IARS1: variants seen among roughly 807,000 people sequenced by gnomAD.
IARS1 encodes the protein isoleucine--tRNA ligase, cytoplasmic.
IARS1 carries 124 observed loss-of-function variants against 168.2 expected under a neutral mutation model. The observed-to-expected ratio is 0.74, with a 90% CI of 0.64 to 0.86. The LOEUF (loss-of-function observed/expected upper bound fraction) is 0.86, where lower values mean the gene tolerates loss of function less well. Among genes scored for constraint, IARS1 ranks in the 40% least tolerant of loss-of-function variants. IARS1 has a pLI of 0.00. For missense variants in IARS1, 1,452 were observed against 1,515.8 expected (o/e 0.96, Z 0.70); for synonymous variants, 532 against 529.4 (o/e 1.00, Z -0.07).
At chr9:92,231,046 T>G (rs538578043) in intron 30 of IARS1, among the ~76,000 whole-genome samples, 1 of 152,364 alleles carries the variant, frequency 6.6e-6, no homozygotes, top group East Asian at 1.9e-4. Flanking sequence ...TTGTCTTTCA[T>G]CCTTTTATAG....
In IARS1 at chr9:92,223,496, A is replaced by G. The variant is rs1376270219; in HGVS notation, c.3410-7T>C. The G allele has an allele frequency of 1.2e-6, 2 of 1,606,780 alleles. No homozygotes were observed. The highest frequency in any genetic ancestry group is 2.7e-5 in the African/African-American group (2 of 74,718). ...TCAGTTTGGTTTTGTATTTCTAAAA[A>G]TAACAACAACAATTCTTTCAGGGTT... On this transcript the variant is annotated splice_region_variant and splice_polypyrimidine_tract_variant and intron_variant, in intron 31 of 33. Coordinates refer to ENST00000443024, the MANE Select transcript of IARS1 (RefSeq NM_002161.6).
intron 31 of IARS1, among the ~76,000 whole-genome samples, chr9:92,223,898 G>A (rs187746213): frequency 1.4e-3 from 209 of 152,334 alleles, no homozygotes; most frequent in African/African-American, 4.6e-3. Context: ...ATGATACACA[G>A]AACATATGCA....
intron 16 of IARS1, 146 bp downstream of exon 16, chr9:92,264,783 G>A (rs915774010): frequency 4.5e-6 from 3 of 664,936 alleles, no homozygotes; most frequent in Admixed American, 6.3e-5. Context: ...GTGCTTGGTG[G>A]TGGAGGGGAG....
At position 92,279,934 on chromosome 9, in the gene IARS1, C is replaced by A. The variant is rs1834298077; in HGVS notation, c.745+812G>T. Among the ~76,000 whole-genome samples the A allele has an allele frequency of 3.9e-5, 6 of 152,256 alleles. No homozygotes were observed. In the South Asian group the frequency reaches 1.2e-3, roughly 32 times the overall value. ...TGGCTCATTTTAATTAGCATAATGT[C>A]CTCCAGGTTCATTCAAGGCATAGCC... On this transcript the variant is annotated intron_variant, in intron 7 of 33. Transcript: ENST00000443024.
intron 32 of IARS1, 90 bp from the exon 33 acceptor site, chr9:92,222,762 A>T (rs1165378114): frequency 1.5e-6 from 2 of 1,362,650 alleles, no homozygotes; most frequent in African/African-American, 2.9e-5. Flanking sequence ...TCTAACAGGC[A>T]GTGCTGAGGC....
rs772810159 is a variant in IARS1 at position 92,264,882 on chromosome 9, T to C, written c.1700+47A>G. 1.1e-5 allele frequency: 16 copies of C among 1,516,116 alleles called. No individual in the cohort carries two copies. In the South Asian group the frequency reaches 1.6e-4, roughly 15 times the overall value. The allele number at this position is 1,516,116 out of a possible 1,614,324, so 93.9% of individuals were successfully genotyped here. The stretch of plus-strand genomic sequence containing the variant: ...GTGACTTAGTAAAATACTCCCTAAA[T>C]AAAATAAAATCAATAAAACACGTGA... On this transcript the variant is annotated intron_variant, in intron 16 of 33. Coordinates refer to ENST00000443024, the MANE Select transcript of IARS1 (RefSeq NM_002161.6).
chr9:92,257,647 T>C (rs561812385), intron 19 of IARS1, among the ~76,000 whole-genome samples: 3 of 152,300 alleles, frequency 2.0e-5, no homozygotes, highest in African/African-American at 4.8e-5. Flanking sequence ...GTGAACATGA[T>C]GTGTCCTCAT....
chr9:92,240,689 C>T (rs1332016243), intron 30 of IARS1, 167 bp downstream of exon 30: 8 of 718,156 alleles, frequency 1.1e-5, no homozygotes, highest in Admixed American at 4.0e-5. Context: ...CACTGCATCT[C>T]GCCTAGTGAA....
At chr9:92,262,905 G>T in intron 17 of IARS1, 64 bp downstream of exon 17, 2 of 1,161,736 alleles carry the variant, frequency 1.7e-6, no homozygotes, top group South Asian at 2.5e-5. Context: ...CCGCTCTCAC[G>T]CACTCCTTCT....
intron 6 of IARS1, among the ~76,000 whole-genome samples, chr9:92,284,143 C>A (rs934447779): frequency 6.6e-6 from 1 of 152,222 alleles, no homozygotes. Context: ...TGCCACTGCA[C>A]TCTAGCCTGG....
intron 16 of IARS1, among the ~76,000 whole-genome samples, chr9:92,264,217 C>T (rs1055996333): frequency 1.3e-5 from 2 of 151,780 alleles, no homozygotes; most frequent in African/African-American, 2.4e-5. Context: ...TGCCTGTAGA[C>T]CCAGCTACTT....
At chr9:92,278,171 AAC>A (rs1409158651) in intron 8 of IARS1, 26 bp downstream of exon 8, 1 of 1,379,056 alleles carries the variant, frequency 7.3e-7, no homozygotes, top group Non-Finnish European at 1.0e-6. Flanking sequence ...CATGCACACA[AAC>A]ACAGAGCAAC....
At chr9:92,272,596 C>A (rs550494817) in intron 10 of IARS1, among the ~76,000 whole-genome samples, 55 of 152,256 alleles carry the variant, frequency 3.6e-4, no homozygotes, top group Admixed American at 9.2e-4. Flanking sequence ...ACGCCTGTAA[C>A]CCCAGCACTT....
intron 1 of IARS1, among the ~76,000 whole-genome samples, chr9:92,292,135 A>G (rs1179634231): frequency 6.9e-6 from 1 of 145,054 alleles, no homozygotes. Flanking sequence ...CTCCCAGTTT[A>G]GCCCGCCAAG....
chr9:92,238,414 G>C (rs1029187078), intron 30 of IARS1, among the ~76,000 whole-genome samples: 4 of 152,110 alleles, frequency 2.6e-5, no homozygotes, highest in South Asian at 2.1e-4. Flanking sequence ...TCGTTCATGC[G>C]ATAGCTGGTT....
chr9:92,289,453 G>T, intron 1 of IARS1, 27 bp from the exon 2 acceptor site: 1 of 944,848 alleles, frequency 1.1e-6, no homozygotes, highest in African/African-American at 1.6e-5. Flanking sequence ...ATTTATTACT[G>T]TCAAAAGAGA....
chr9:92,272,723 T>C (rs972163987), intron 10 of IARS1, among the ~76,000 whole-genome samples: 3 of 152,032 alleles, frequency 2.0e-5, no homozygotes, highest in Admixed American at 6.6e-5. Context: ...TGGTGGCAGG[T>C]GCCTATAATC....
At chr9:92,256,938 C>T in intron 19 of IARS1, 138 bp from the exon 20 acceptor site, 1 of 744,190 alleles carries the variant, frequency 1.3e-6, no homozygotes, top group Non-Finnish European at 2.0e-6. Context: ...TTCTGATTTT[C>T]AGCAATATTT....
In IARS1 at chr9:92,250,442, C is replaced by A. The variant is rs112296107; in HGVS notation, c.2430-153G>T. On this transcript the variant is annotated intron_variant, in intron 23 of 33. Coordinates refer to ENST00000443024, the MANE Select transcript of IARS1 (RefSeq NM_002161.6). Reference sequence around the variant, plus strand: ...CTGGGGAAGGGCAGCGCAGTGCCTACCACTCAGCACCCGGCATCTCCCCAA... The same window carrying A: ...CTGGGGAAGGGCAGCGCAGTGCCTAACACTCAGCACCCGGCATCTCCCCAA... Among the ~76,000 whole-genome samples the A allele has an allele frequency of 3.9e-5, 6 of 152,352 alleles. 1 individual carries two copies. Among genetic ancestry groups the A allele is most frequent in the African/African-American group, 1.4e-4 (6 of 41,582 alleles).
Sources: gnomAD v4.1 joint callset for allele counts (sites outside exome capture counted in the v4.1 genomes callset) on GRCh38, gnomAD v4.1.1 for gene constraint, MANE v1.5 for transcripts, NCBI Gene and HGNC (gene_info 2026-07-23, HGNC 2026-07-21) for gene names.